DEPDC1B: variants seen among roughly 807,000 people sequenced by gnomAD.
DEPDC1B encodes the protein DEP domain containing 1B.
In DEPDC1B, 51 loss-of-function variants were observed where a neutral mutation model predicts 66.5. The ratio of observed to expected loss-of-function variants is 0.77; its 90% CI spans 0.61 to 0.97. The LOEUF (loss-of-function observed/expected upper bound fraction) is 0.97. DEPDC1B is among the 50% of genes least tolerant of loss of function. The probability of loss-of-function intolerance (pLI) is 0.00; values close to 1 mark genes in which losing one functional copy is unlikely to be tolerated. For synonymous variants in DEPDC1B, 226 were observed against 223.6 expected (o/e 1.01, Z -0.10); for missense variants, 552 against 637.1 (o/e 0.87, Z 1.44).
At position 60,638,736 on chromosome 5, in the gene DEPDC1B, A is replaced by G; in HGVS notation, c.898+14T>C. On this transcript the variant is annotated intron_variant, in intron 7 of 10. Transcript: ENST00000265036. The stretch of plus-strand genomic sequence containing the variant: ...TCAGTGATGTAGATATATGTTCATT[A>G]TATTCCAACTTACCCAGTACACTGA... 1 of 1,599,510 alleles carries G rather than the reference A, an allele frequency of 6.3e-7. No individual in the cohort carries two copies. Among genetic ancestry groups the G allele is most frequent in the South Asian group, 1.1e-5 (1 of 88,062 alleles).
intron 7 of DEPDC1B, among the ~76,000 whole-genome samples, chr5:60,634,905 C>T (rs1434598726): frequency 6.9e-6 from 1 of 145,784 alleles, no homozygotes; most frequent in African/African-American, 2.5e-5. Context: ...CCAGCCAATA[C>T]AAAATTAGCT....
Position 60,613,516 on chromosome 5 carries a change from G to A in DEPDC1B, c.899-7660C>T, listed in dbSNP as rs537141313. 3.3e-5 allele frequency among the ~76,000 whole-genome samples: 5 copies of A among 152,214 alleles called. No homozygotes were observed. The South Asian group carries it at 8.3e-4, about 25-fold the overall frequency. On this transcript the variant is annotated intron_variant, in intron 7 of 10. Coordinates refer to ENST00000265036, the MANE Select transcript of DEPDC1B (RefSeq NM_018369.3). ...TCACAGTCTGGAGAAGAAGATGAACGAACAGAAGCCATCACAAAGCAATGT... is the reference window on the plus strand; with the variant it reads ...TCACAGTCTGGAGAAGAAGATGAACAAACAGAAGCCATCACAAAGCAATGT...
intron 7 of DEPDC1B, among the ~76,000 whole-genome samples, chr5:60,636,596 C>T (rs1001657090): frequency 6.6e-6 from 1 of 152,064 alleles, no homozygotes; most frequent in Non-Finnish European, 1.5e-5. Flanking sequence ...AGATATTTAC[C>T]TTTTCCCACA....
Position 60,687,158 on chromosome 5 carries a change from A to T in DEPDC1B, c.118T>A (p.Tyr40Asn). ...TCGGCCGCTGTGAAACAATGCTCAT[A>T]GCTCTTGAAACGACAGCGATGTTTC... ...LRKHRCRFKS[Y>N]EHCFTAAEAV... Residue 40 changes from tyrosine to asparagine, a missense_variant, in exon 2 of 11, where the codon TAT (tyrosine) becomes AAT (asparagine). Tyr to Asn is a moderately radical substitution (Grantham distance 143). Transcript: ENST00000265036. 1 of 1,614,176 alleles carries T rather than the reference A, an allele frequency of 6.2e-7. No individual in the cohort carries two copies. Among genetic ancestry groups the T allele is most frequent in the Non-Finnish European group, 8.5e-7 (1 of 1,180,006 alleles).
intron 7 of DEPDC1B, among the ~76,000 whole-genome samples, chr5:60,621,793 C>G (rs955543320): frequency 1.3e-5 from 2 of 152,144 alleles, no homozygotes; most frequent in African/African-American, 4.8e-5. Context: ...TAATTATATA[C>G]TACTTTCTTT....
At chr5:60,665,721 A>C (rs562980326) in intron 2 of DEPDC1B, among the ~76,000 whole-genome samples, 2 of 152,264 alleles carry the variant, frequency 1.3e-5, no homozygotes, top group Admixed American at 6.5e-5. Flanking sequence ...GACTAGCTGG[A>C]TTTCCTAGGC....
chr5:60,669,858 A>C (rs970668831), intron 2 of DEPDC1B, among the ~76,000 whole-genome samples: 11 of 152,194 alleles, frequency 7.2e-5, no homozygotes, highest in African/African-American at 2.7e-4. Flanking sequence ...TATTTAGAAA[A>C]TAAATTCCAT....
At chr5:60,692,522 C>T (rs1467597983) in intron 1 of DEPDC1B, among the ~76,000 whole-genome samples, 3 of 152,108 alleles carry the variant, frequency 2.0e-5, no homozygotes, top group Non-Finnish European at 4.4e-5. Flanking sequence ...GTAGGCAACA[C>T]TAAGTGCTGG....
chr5:60,667,773 T>A (rs191218648), intron 2 of DEPDC1B, among the ~76,000 whole-genome samples: 24,333 of 81,154 alleles, frequency 0.3, 5,513 homozygotes, highest in East Asian at 0.46. Flanking sequence ...AATGGATATT[T>A]TACATATATA....
chr5:60,625,922 CA>C (rs1180254158), intron 7 of DEPDC1B, among the ~76,000 whole-genome samples: 1 of 152,118 alleles, frequency 6.6e-6, no homozygotes, highest in Non-Finnish European at 1.5e-5. Flanking sequence ...TAATCCTATC[CA>C]GCAAAATTTT....
chr5:60,666,263 A>C (rs1205179445), intron 2 of DEPDC1B, among the ~76,000 whole-genome samples: 1 of 152,174 alleles, frequency 6.6e-6, no homozygotes, highest in Non-Finnish European at 1.5e-5. Context: ...GCTGAACACT[A>C]GTTGCTGGGT....
chr5:60,622,264 C>T (rs1320567883), intron 7 of DEPDC1B, among the ~76,000 whole-genome samples: 1 of 152,166 alleles, frequency 6.6e-6, no homozygotes, highest in Non-Finnish European at 1.5e-5. Context: ...AAAGCAACCT[C>T]TGACCTGCTT....
chr5:60,662,391 A>C (rs1753739407), intron 2 of DEPDC1B, among the ~76,000 whole-genome samples: 1 of 152,162 alleles, frequency 6.6e-6, no homozygotes, highest in Non-Finnish European at 1.5e-5. Context: ...CCGTCTCAAA[A>C]AAAAAAAACT....
At chr5:60,693,165 T>C (rs1273462998) in intron 1 of DEPDC1B, among the ~76,000 whole-genome samples, 1 of 152,100 alleles carries the variant, frequency 6.6e-6, no homozygotes, top group Non-Finnish European at 1.5e-5. Flanking sequence ...AATTAACACC[T>C]AAAAACAAAA....
intron 7 of DEPDC1B, chr5:60,628,431 T>C (rs1464220206): frequency 2.0e-5 from 3 of 152,152 alleles, no homozygotes; most frequent in Non-Finnish European, 4.4e-5. Flanking sequence ...AATGGGACCA[T>C]TGTTTGTTCA....
chr5:60,663,347 A>G (rs1196931266), intron 2 of DEPDC1B, among the ~76,000 whole-genome samples: 1 of 152,158 alleles, frequency 6.6e-6, no homozygotes, highest in Non-Finnish European at 1.5e-5. Context: ...AAACCAAGCA[A>G]TAGCTCCTGC....
chr5:60,621,690 C>G (rs948762916), intron 7 of DEPDC1B, among the ~76,000 whole-genome samples: 1 of 151,866 alleles, frequency 6.6e-6, no homozygotes, highest in East Asian at 1.9e-4. Flanking sequence ...TACCCTAGAA[C>G]TTAAAGTATT....
intron 2 of DEPDC1B, among the ~76,000 whole-genome samples, chr5:60,662,358 A>T (rs1412566873): frequency 6.6e-6 from 1 of 152,128 alleles, no homozygotes; most frequent in African/African-American, 2.4e-5. Flanking sequence ...ACTGCACTCC[A>T]GCCTGGGCAA....
intron 2 of DEPDC1B, among the ~76,000 whole-genome samples, chr5:60,668,087 A>ATATATATATAAAATGGATATTT (rs1753927875): frequency 7.1e-5 from 3 of 42,078 alleles, no homozygotes; most frequent in Non-Finnish European, 1.2e-4. Flanking sequence ...TGGATATTTT[A>ATATATATATAAAATGGATATTT]TATATATATA....
Sources: allele counts gnomAD v4.1 joint callset (sites outside exome capture counted in the v4.1 genomes callset), GRCh38; gene constraint gnomAD v4.1.1; transcripts MANE v1.5; gene names NCBI Gene and HGNC (gene_info 2026-07-23, HGNC 2026-07-21).